The following CSMD3 variants were observed in gnomAD, a reference collection of about 807,000 sequenced individuals.
CSMD3 encodes CUB and sushi domain-containing protein 3.
CSMD3 carries 177 observed loss-of-function variants against 435.2 expected under a neutral mutation model. The ratio of observed to expected loss-of-function variants is 0.41; its 90% confidence interval spans 0.36 to 0.46. CSMD3 has a LOEUF of 0.46. CSMD3 is among the 20% of genes least tolerant of loss of function. CSMD3 has a pLI of 0.34. For synonymous variants in CSMD3, 1,656 were observed against 1,520.5 expected (o/e 1.09, Z -2.07); for missense variants, 4,265 against 4,504.6 (o/e 0.95, Z 1.52).
intron 1 of CSMD3, among the ~76,000 whole-genome samples, chr8:113,348,847 A>G (rs1272672583): frequency 6.6e-6 from 1 of 152,038 alleles, no homozygotes; most frequent in African/African-American, 2.4e-5. Context: ...TATAAATTAA[A>G]ATGTATTCAT....
chr8:112,595,002 A>T (rs2131384992), intron 22 of CSMD3, among the ~76,000 whole-genome samples: 1 of 152,322 alleles, frequency 6.6e-6, no homozygotes, highest in South Asian at 2.1e-4. Flanking sequence ...GCAATGGAAC[A>T]AAGCTGAATG....
chr8:113,024,292 GT>G, intron 5 of CSMD3, among the ~76,000 whole-genome samples: 1 of 342 alleles, frequency 2.9e-3, no homozygotes, highest in East Asian at 0.25. Context: ...TGAGTATTGT[GT>G]GTGTGTGTGT....
intron 6 of CSMD3, among the ~76,000 whole-genome samples, chr8:113,016,000 T>C (rs1473328720): frequency 6.6e-6 from 1 of 151,880 alleles, no homozygotes; most frequent in Non-Finnish European, 1.5e-5. Context: ...GGAGGAACAA[T>C]AGTTTAAAAC....
intron 3 of CSMD3, among the ~76,000 whole-genome samples, chr8:113,204,580 G>A (rs72687638): frequency 0.096 from 14,609 of 152,086 alleles, 911 homozygotes; most frequent in Middle Eastern, 0.17. Context: ...TAATGGACTA[G>A]GTTTTCACAT....
At chr8:113,057,150 C>T (rs2088377303) in intron 5 of CSMD3, among the ~76,000 whole-genome samples, 1 of 152,126 alleles carries the variant, frequency 6.6e-6, no homozygotes, top group Admixed American at 6.5e-5. Flanking sequence ...ATGTCTAACC[C>T]AAAATAGGCC....
chr8:113,098,854 T>C lies in CSMD3; in HGVS notation c.819A>G (p.Ala273=). ...NNADCTWTIV[A]EPGDTISLIF... ...TGAGTGAAATTGTGTCCCCAGGCTCTGCTACAATGGTCCAAGTGCAATCAG... is the reference window on the plus strand; with the variant it reads ...TGAGTGAAATTGTGTCCCCAGGCTCCGCTACAATGGTCCAAGTGCAATCAG... Residue 273 remains alanine (A), a synonymous_variant, in exon 5 of 71, where the codon GCA becomes GCG. Transcript: ENST00000297405. 1.2e-6 allele frequency: 2 copies of C among 1,612,376 alleles called. No homozygotes were observed. Among genetic ancestry groups the C allele is most frequent in the Non-Finnish European group, 1.7e-6 (2 of 1,178,640 alleles).
intron 23 of CSMD3, among the ~76,000 whole-genome samples, chr8:112,584,602 T>C (rs1830576566): frequency 6.6e-6 from 1 of 151,740 alleles, no homozygotes; most frequent in South Asian, 2.1e-4. Flanking sequence ...TCCAATATAG[T>C]TATGTCATAC....
intron 3 of CSMD3, among the ~76,000 whole-genome samples, chr8:113,215,686 C>T (rs978845298): frequency 4.0e-5 from 6 of 151,818 alleles, no homozygotes; most frequent in African/African-American, 1.4e-4. Flanking sequence ...TGCAAGCACA[C>T]ATAAAACAAA....
chr8:113,187,112 G>A (rs570356679), intron 3 of CSMD3, among the ~76,000 whole-genome samples: 33 of 151,452 alleles, frequency 2.2e-4, no homozygotes, highest in Admixed American at 2.2e-3. Flanking sequence ...GGGGCTGTTA[G>A]CAGGAACCCC....
At chr8:112,843,889 T>G (rs989520182) in intron 11 of CSMD3, among the ~76,000 whole-genome samples, 2 of 151,936 alleles carry the variant, frequency 1.3e-5, no homozygotes, top group Non-Finnish European at 2.9e-5. Context: ...TTAATTTATA[T>G]TAATATTATT....
At chr8:113,183,653 A>C (rs975915918) in intron 3 of CSMD3, among the ~76,000 whole-genome samples, 4 of 151,796 alleles carry the variant, frequency 2.6e-5, no homozygotes, top group African/African-American at 9.7e-5. Flanking sequence ...TTTAGACTCT[A>C]TTCACTCTCT....
At chr8:112,515,517 C>T (rs540711031) in intron 28 of CSMD3, among the ~76,000 whole-genome samples, 9 of 152,050 alleles carry the variant, frequency 5.9e-5, no homozygotes, top group African/African-American at 1.7e-4. Flanking sequence ...GTTGTTTCCC[C>T]GGATCGTATG....
At chr8:113,241,726 A>G (rs1168331419) in intron 3 of CSMD3, among the ~76,000 whole-genome samples, 3 of 152,000 alleles carry the variant, frequency 2.0e-5, no homozygotes, top group East Asian at 1.9e-4. Flanking sequence ...CACCTAAAGT[A>G]TTATGTATTA....
At chr8:112,969,935 T>A (rs1444363695) in intron 7 of CSMD3, among the ~76,000 whole-genome samples, 1 of 152,060 alleles carries the variant, frequency 6.6e-6, no homozygotes, top group African/African-American at 2.4e-5. Context: ...GTGCTTATAA[T>A]CTGTTATTTC....
intron 3 of CSMD3, among the ~76,000 whole-genome samples, chr8:113,263,677 T>C (rs556112253): frequency 8.7e-4 from 132 of 151,984 alleles, no homozygotes; most frequent in African/African-American, 2.8e-3. Flanking sequence ...TTGGTAGCAT[T>C]AAAATTCACT....
At chr8:112,642,084 A>G (rs1365666171) in intron 20 of CSMD3, among the ~76,000 whole-genome samples, 1 of 152,094 alleles carries the variant, frequency 6.6e-6, no homozygotes, top group Admixed American at 6.6e-5. Context: ...TTATGTTTAT[A>G]TATATATATA....
At chr8:112,515,520 A>T (rs1823579475) in intron 28 of CSMD3, among the ~76,000 whole-genome samples, 1 of 152,106 alleles carries the variant, frequency 6.6e-6, no homozygotes, top group African/African-American at 2.4e-5. Context: ...GTTTCCCCGG[A>T]TCGTATGAGT....
At chr8:112,694,161 T>G (rs2131843106) in intron 13 of CSMD3, among the ~76,000 whole-genome samples, 1 of 152,126 alleles carries the variant, frequency 6.6e-6, no homozygotes, top group East Asian at 1.9e-4. Context: ...TCTGTTTCCT[T>G]GGATTTAATG....
At chr8:113,322,202 G>T (rs538407243) in intron 1 of CSMD3, among the ~76,000 whole-genome samples, 58 of 152,056 alleles carry the variant, frequency 3.8e-4, no homozygotes, top group African/African-American at 1.4e-3. Context: ...CCTCAGATTT[G>T]TGTAATTTTC....
Sources: allele counts gnomAD v4.1 joint callset (sites outside exome capture counted in the v4.1 genomes callset), GRCh38; gene constraint gnomAD v4.1.1; transcripts MANE v1.5; gene names NCBI Gene and HGNC (gene_info 2026-07-23, HGNC 2026-07-21).